The following CACNB4 variants were observed in gnomAD, a reference collection of about 807,000 sequenced individuals.
The protein encoded by CACNB4 is calcium voltage-gated channel auxiliary subunit beta 4.
A neutral mutation model predicts 71.2 loss-of-function variants in CACNB4; 32 were observed. That is an observed-to-expected ratio of 0.45 (90% CI 0.34 to 0.60). The LOEUF (loss-of-function observed/expected upper bound fraction) is 0.60, where lower values mean the gene tolerates loss of function less well. Among genes scored for constraint, CACNB4 ranks in the 20% least tolerant of loss-of-function variants. CACNB4 has a pLI of 0.01. For missense variants in CACNB4, 464 were observed against 647.9 expected (o/e 0.72, Z 3.08); for synonymous variants, 231 against 236.9 (o/e 0.97, Z 0.23).
At chr2:151,991,104 C>T (rs1367634544) in intron 2 of CACNB4, among the ~76,000 whole-genome samples, 2 of 152,152 alleles carry the variant, frequency 1.3e-5, no homozygotes, top group Non-Finnish European at 2.9e-5. Context: ...GGAGCCTGCT[C>T]CTGATGAAGC....
rs35662354 is a variant in CACNB4, at chr2:151,842,320, CTTTTTTTTTT to C, written c.1117-242_1117-233del. Among the ~76,000 whole-genome samples the C allele has an allele frequency of 1.8e-4, 12 of 67,726 alleles. 1 individual carries two copies. Among genetic ancestry groups the C allele is most frequent in the Middle Eastern group, 9.1e-3 (1 of 110 alleles). The allele number at this position is 67,726 out of a possible 152,430, so 44.4% of individuals were successfully genotyped here. The stretch of plus-strand genomic sequence containing the variant: ...GAAAGTGTTCATTCAATATTTGGAT[CTTTTTTTTTT>C]TTTTTTTTTTTTTTTTTTAAGACGG... On this transcript the variant is annotated intron_variant, in intron 12 of 13. Coordinates refer to ENST00000539935, the MANE Select transcript of CACNB4 (RefSeq NM_000726.5).
intron 12 of CACNB4, among the ~76,000 whole-genome samples, chr2:151,844,206 A>G (rs1172992904): frequency 6.6e-6 from 1 of 152,226 alleles, no homozygotes; most frequent in Non-Finnish European, 1.5e-5. Flanking sequence ...GTGTGGTGGG[A>G]GAGATAAGTA....
At chr2:152,018,806 AACACACACACACAC>A (rs10600477) in intron 2 of CACNB4, among the ~76,000 whole-genome samples, 1 of 146,568 alleles carries the variant, frequency 6.8e-6, no homozygotes, top group Non-Finnish European at 1.5e-5. Context: ...CCTGTCTCAA[AACACACACACACAC>A]ACACACACAC....
At chr2:151,849,338 G>A (rs1445420624) in intron 12 of CACNB4, among the ~76,000 whole-genome samples, 1 of 152,088 alleles carries the variant, frequency 6.6e-6, no homozygotes, top group East Asian at 1.9e-4. Context: ...GCTCACTGCA[G>A]CTCCAAACTC....
intron 2 of CACNB4, among the ~76,000 whole-genome samples, chr2:151,935,827 G>C (rs1239910835): frequency 6.6e-6 from 1 of 152,204 alleles, no homozygotes; most frequent in Non-Finnish European, 1.5e-5. Flanking sequence ...TTATTCAACT[G>C]AAGTATCAAC....
intron 2 of CACNB4, among the ~76,000 whole-genome samples, chr2:152,039,006 T>C (rs1684740039): frequency 6.6e-6 from 1 of 152,226 alleles, no homozygotes; most frequent in African/African-American, 2.4e-5. Context: ...ATTGCTTGCT[T>C]AGTTAATATA....
intron 2 of CACNB4, among the ~76,000 whole-genome samples, chr2:151,904,184 G>C (rs1453606792): frequency 1.3e-5 from 2 of 152,152 alleles, no homozygotes; most frequent in Non-Finnish European, 2.9e-5. Flanking sequence ...TGATTAATTG[G>C]GTAGTTAAGC....
chr2:151,981,092 T>TTA (rs2099874649), intron 2 of CACNB4, among the ~76,000 whole-genome samples: 1 of 151,986 alleles, frequency 6.6e-6, no homozygotes, highest in African/African-American at 2.4e-5. Flanking sequence ...CCCTCAGACA[T>TTA]TAGCCAGTCC....
chr2:151,970,709 T>C (rs1368166074), intron 2 of CACNB4: 1 of 152,266 alleles, frequency 6.6e-6, no homozygotes, highest in Non-Finnish European at 1.5e-5. Flanking sequence ...CATGATCCAC[T>C]GGAACCAGCC....
At chr2:151,867,786 C>T (rs1191541793) in intron 9 of CACNB4, 1 of 152,162 alleles carries the variant, frequency 6.6e-6, no homozygotes, top group Non-Finnish European at 1.5e-5. Flanking sequence ...GGCAAGCTGA[C>T]TAGAGACATC....
chr2:151,875,248 G>T (rs1280330343), intron 5 of CACNB4, among the ~76,000 whole-genome samples: 2 of 147,828 alleles, frequency 1.4e-5, no homozygotes, highest in Non-Finnish European at 3.0e-5. Context: ...ATCTTGCACC[G>T]CCCTTAATCC....
chr2:152,022,134 C>T lies in CACNB4; in HGVS notation c.147+76196G>A, dbSNP rs145907870. 2.9e-4 allele frequency among the ~76,000 whole-genome samples: 44 copies of T among 152,348 alleles called. No individual in the cohort carries two copies. In the East Asian group the frequency reaches 7.5e-3, roughly 26 times the overall value. ...CTCTCCTCCTCTCTTTGGCAATCGG[C>T]TTATTGCCTATTACTTGCATCTCTC... On this transcript the variant is annotated intron_variant, in intron 2 of 13. Transcript: ENST00000539935.
At chr2:151,909,099 AAT>A (rs911907049) in intron 2 of CACNB4, among the ~76,000 whole-genome samples, 1 of 147,444 alleles carries the variant, frequency 6.8e-6, no homozygotes, top group Admixed American at 6.8e-5. Context: ...TATATTTATA[AAT>A]ATATATATTT....
rs190781061 is a variant in CACNB4 at position 151,915,804 on chromosome 2, G to T, written c.148-32434C>A. Among the ~76,000 whole-genome samples, 582 of 147,286 alleles carry T rather than the reference G, an allele frequency of 4.0e-3. 3 individuals are homozygous for T. The highest frequency in any genetic ancestry group is 0.014 in the African/African-American group (545 of 39,352). ...AGAGGTTGCAGTGAGCTGAGATTGCGCCATAGCACTCCAGCTTGGGCAACA... is the reference window on the plus strand; with the variant it reads ...AGAGGTTGCAGTGAGCTGAGATTGCTCCATAGCACTCCAGCTTGGGCAACA... On this transcript the variant is annotated intron_variant, in intron 2 of 13. Transcript: ENST00000539935.
intron 2 of CACNB4, among the ~76,000 whole-genome samples, chr2:152,019,830 T>C (rs1000788730): frequency 2.6e-5 from 4 of 152,154 alleles, no homozygotes. Context: ...TATTAATTAT[T>C]CTGGAAATGT....
At chr2:152,072,296 C>T (rs898797856) in intron 2 of CACNB4, among the ~76,000 whole-genome samples, 2 of 152,190 alleles carry the variant, frequency 1.3e-5, no homozygotes, top group African/African-American at 4.8e-5. Context: ...AGTCTGGAGG[C>T]ACAGATCTGG....
chr2:152,093,089 C>T (rs866682229), intron 2 of CACNB4, among the ~76,000 whole-genome samples: 2 of 152,064 alleles, frequency 1.3e-5, no homozygotes, highest in African/African-American at 2.4e-5. Flanking sequence ...TGGATGAGGG[C>T]CCCAATGTAC....
chr2:152,055,565 G>A (rs2105311332), intron 2 of CACNB4, among the ~76,000 whole-genome samples: 1 of 152,278 alleles, frequency 6.6e-6, no homozygotes, highest in South Asian at 2.1e-4. Context: ...CACAGGCAAT[G>A]CAAGACATGA....
intron 2 of CACNB4, among the ~76,000 whole-genome samples, chr2:152,008,259 A>G (rs1395413781): frequency 6.6e-6 from 1 of 150,906 alleles, no homozygotes; most frequent in Non-Finnish European, 1.5e-5. Context: ...CCATTTTGCA[A>G]TTTACTTTTA....
Sources: allele counts gnomAD v4.1 joint callset (sites outside exome capture counted in the v4.1 genomes callset), GRCh38; gene constraint gnomAD v4.1.1; transcripts MANE v1.5; gene names NCBI Gene and HGNC (gene_info 2026-07-23, HGNC 2026-07-21).